FBXL5: variants seen among roughly 807,000 people sequenced by gnomAD.
FBXL5 encodes F-box/LRR-repeat protein 5.
In FBXL5, 26 loss-of-function variants were observed where a neutral mutation model predicts 78.3. That is an observed-to-expected ratio of 0.33 (90% CI 0.24 to 0.46). The LOEUF is 0.46. FBXL5 is among the 20% of genes least tolerant of loss of function. FBXL5 has a pLI of 1.00. For missense variants in FBXL5, 710 were observed against 829.2 expected (o/e 0.86, Z 1.77); for synonymous variants, 295 against 282.5 (o/e 1.04, Z -0.45).
intron 1 of FBXL5, among the ~76,000 whole-genome samples, chr4:15,680,953 T>G (rs1718228425): frequency 6.7e-6 from 1 of 148,660 alleles, no homozygotes; most frequent in Admixed American, 6.8e-5. Context: ...ATATGTTTTT[T>G]GTTTCACATA....
chr4:15,618,653 C>A (rs920329839), intron 9 of FBXL5, among the ~76,000 whole-genome samples: 2 of 152,114 alleles, frequency 1.3e-5, no homozygotes, highest in Non-Finnish European at 2.9e-5. Context: ...ACCAGCCTAG[C>A]CAACATGGTG....
chr4:15,613,109 A>C (rs183781335), intron 9 of FBXL5, among the ~76,000 whole-genome samples: 20 of 152,332 alleles, frequency 1.3e-4, no homozygotes, highest in Admixed American at 6.5e-4. Flanking sequence ...CACATATTGA[A>C]TGATTCCATT....
intron 2 of FBXL5, 101 bp downstream of exon 2, chr4:15,644,392 A>C (rs919143208): frequency 4.3e-4 from 406 of 953,126 alleles, no homozygotes; most frequent in South Asian, 5.4e-4. Flanking sequence ...AATTTTTTTC[A>C]ACATTACATC....
At chr4:15,655,626 C>T (rs1468599181), upstream of FBXL5, among the ~76,000 whole-genome samples, 1 of 152,202 alleles carries the variant, frequency 6.6e-6, no homozygotes, top group African/African-American at 2.4e-5. Flanking sequence ...AGGGGAAAGT[C>T]GTTGCAGTGG....
At chr4:15,656,304 T>G (rs1401490817), upstream of FBXL5, 1 of 456,104 alleles carries the variant, frequency 2.2e-6, no homozygotes, top group Non-Finnish European at 4.4e-6. Context: ...TGTTCTCTGC[T>G]CACGCCGGTC....
chr4:15,627,961 T>A lies in FBXL5; in HGVS notation c.965A>T (p.His322Leu). The A allele has an allele frequency of 6.2e-7, 1 of 1,613,832 alleles. No individual in the cohort carries two copies. The highest frequency in any genetic ancestry group is 8.5e-7 in the Non-Finnish European group (1 of 1,179,816). The part of the protein sequence containing the change: ...MEKRLLHGLI[H>L]NVLPYVGTSV... ...AGTACCAACATATGGTAGAACGTTA[T>A]GAATTAAGCCATGGAGTAAACGTTT... Residue 322 changes from histidine to leucine, a missense_variant, in exon 7 of 11, where the codon CAT (histidine) becomes CTT (leucine). By Grantham distance (99) the His-to-Leu change is moderately conservative. Around this residue, in one of 4 missense-constraint regions of FBXL5, gnomAD observed 517 missense variants for 542.9 expected, o/e 0.95. Transcript: ENST00000341285.
Position 15,644,604 on chromosome 4 carries a change from T to C in FBXL5, c.189A>G (p.Glu63=). 1 of 1,614,112 alleles carries C rather than the reference T, an allele frequency of 6.2e-7. No individual in the cohort carries two copies. Among genetic ancestry groups the C allele is most frequent in the Non-Finnish European group, 8.5e-7 (1 of 1,179,996 alleles). ...GTTGTTGAAGCAAACCAATAATGTA[T>C]TCATTTTCAATCTGCTCATGCATTT... ...EFKMHEQIEN[E]YIIGLLQQRS... is the part of the protein sequence containing the mutation. Residue 63 remains glutamate, a synonymous_variant, in exon 2 of 11, where the codon GAA becomes GAG. Coordinates refer to ENST00000341285, the MANE Select transcript of FBXL5 (RefSeq NM_012161.4).
chr4:15,628,102 C>G, intron 6 of FBXL5, 69 bp from the exon 7 acceptor site: 1 of 1,433,996 alleles, frequency 7.0e-7, no homozygotes, highest in South Asian at 1.2e-5. Context: ...AAGCGCTCAC[C>G]AAATTGTTAA....
chr4:15,645,156 T>C (rs1446500612), intron 1 of FBXL5, among the ~76,000 whole-genome samples: 1 of 152,030 alleles, frequency 6.6e-6, no homozygotes, highest in East Asian at 1.9e-4. Context: ...AAGTATCTAG[T>C]ATTCCTAAAA....
intron 5 of FBXL5, among the ~76,000 whole-genome samples, chr4:15,632,707 C>CTCTG (rs1713804603): frequency 6.6e-6 from 1 of 151,812 alleles, no homozygotes; most frequent in Admixed American, 6.6e-5. Context: ...TGATTTGGCT[C>CTCTG]TCTGTTATTG....
intron 9 of FBXL5, among the ~76,000 whole-genome samples, chr4:15,618,968 A>T (rs1712196900): frequency 6.7e-6 from 1 of 149,044 alleles, no homozygotes; most frequent in Non-Finnish European, 1.5e-5. Flanking sequence ...AGCCTAAGCA[A>T]CATGGTGAAA....
At chr4:15,678,820 TTC>T (rs751878008) in intron 1 of FBXL5, among the ~76,000 whole-genome samples, 30 of 152,300 alleles carry the variant, frequency 2.0e-4, no homozygotes, top group Non-Finnish European at 2.5e-4. Flanking sequence ...ATTATCTTCC[TTC>T]TGTTTGGTGA....
At chr4:15,681,347 G>T in intron 1 of FBXL5, 1 of 162,890 alleles carries the variant, frequency 6.1e-6, no homozygotes. Context: ...GGCCGGGAGC[G>T]CTTACCCCGC....
intron 4 of FBXL5, 44 bp downstream of exon 4, chr4:15,638,464 G>T: frequency 7.2e-7 from 1 of 1,396,180 alleles, no homozygotes; most frequent in South Asian, 1.5e-5. Flanking sequence ...AGATGTCAAT[G>T]ACCTTACAAC....
chr4:15,653,019 T>C (rs1278030704), intron 1 of FBXL5, among the ~76,000 whole-genome samples: 1 of 152,200 alleles, frequency 6.6e-6, no homozygotes, highest in Non-Finnish European at 1.5e-5. Context: ...ATACTTATTT[T>C]CCACTCTAGC....
At chr4:15,651,625 C>A (rs1716064304) in intron 1 of FBXL5, among the ~76,000 whole-genome samples, 1 of 152,142 alleles carries the variant, frequency 6.6e-6, no homozygotes, top group African/African-American at 2.4e-5. Context: ...TATACTCACT[C>A]ATTTTTTAAA....
At chr4:15,653,818 C>G (rs1716450772) in intron 1 of FBXL5, among the ~76,000 whole-genome samples, 1 of 152,214 alleles carries the variant, frequency 6.6e-6, no homozygotes, top group African/African-American at 2.4e-5. Context: ...TCACCCTCAG[C>G]TGCATACTGC....
chr4:15,609,437 C>T (rs1216227775), intron 10 of FBXL5, among the ~76,000 whole-genome samples: 1 of 151,970 alleles, frequency 6.6e-6, no homozygotes, highest in African/African-American at 2.4e-5. Context: ...ATTACTTATG[C>T]TGTATATCTG....
upstream of FBXL5, among the ~76,000 whole-genome samples, chr4:15,659,100 G>T (rs949231151): frequency 1.3e-5 from 2 of 152,014 alleles, no homozygotes; most frequent in African/African-American, 4.8e-5. Flanking sequence ...TATATTTAAT[G>T]ACAAAAAATC....
Sources: gnomAD v4.1 joint callset for allele counts (sites outside exome capture counted in the v4.1 genomes callset) on GRCh38, gnomAD v4.1.1 for gene constraint, gnomAD v4.1.1 regional missense constraint, MANE v1.5 for transcripts, NCBI Gene and HGNC (gene_info 2026-07-23, HGNC 2026-07-21) for gene names.